The following TRIP4 variants were observed in gnomAD, a reference collection of about 807,000 sequenced individuals.
TRIP4 encodes the protein thyroid hormone receptor interactor 4.
TRIP4 carries 54 observed loss-of-function variants against 81.8 expected under a neutral mutation model. The ratio of observed to expected loss-of-function variants is 0.66; its 90% confidence interval spans 0.53 to 0.83. TRIP4 has a LOEUF of 0.83. TRIP4 is among the 40% of genes least tolerant of loss of function. The pLI is 0.00. For synonymous variants in TRIP4, 270 were observed against 242.8 expected (o/e 1.11, Z -1.04); for missense variants, 662 against 683.6 (o/e 0.97, Z 0.35).
chr15:64,435,525 C>CAAA (rs35102130), intron 11 of TRIP4, among the ~76,000 whole-genome samples: 5,170 of 108,106 alleles, frequency 0.048, 117 homozygotes, highest in South Asian at 0.075. Flanking sequence ...GACTCTGTCT[C>CAAA]AAAAAAAAAA....
intron 1 of TRIP4, among the ~76,000 whole-genome samples, chr15:64,391,970 C>CAAAAAA (rs35193532): frequency 4.3e-5 from 1 of 23,244 alleles, no homozygotes; most frequent in Non-Finnish European, 7.7e-5. Flanking sequence ...GACTCTGTCT[C>CAAAAAA]AAAAAAAAAA....
In TRIP4 at chr15:64,425,451, A is replaced by G. The variant is rs550507734; in HGVS notation, c.1484-89A>G. 2.1e-4 allele frequency: 226 copies of G among 1,101,676 alleles called. 2 individuals carry two copies. The highest frequency in any genetic ancestry group is 1.9e-3 in the Middle Eastern group (9 of 4,732). The allele number at this position is 1,101,676 out of a possible 1,614,324, so 68.2% of individuals were successfully genotyped here. The stretch of plus-strand genomic sequence containing the variant: ...CAAATAGATAATGGAAAAAGTTATT[A>G]ATGTTTGTTCAGAATTGAAAACAGA... On this transcript the variant is annotated intron_variant, in intron 10 of 12. Transcript: ENST00000261884.
At chr15:64,435,706 A>G (rs1019319185) in intron 11 of TRIP4, among the ~76,000 whole-genome samples, 5 of 149,820 alleles carry the variant, frequency 3.3e-5, no homozygotes, top group African/African-American at 1.2e-4. Context: ...CTGAGACAAG[A>G]AAACCCAACC....
intron 12 of TRIP4, among the ~76,000 whole-genome samples, chr15:64,454,770 A>G (rs1027625343): frequency 5.9e-5 from 9 of 152,164 alleles, no homozygotes; most frequent in Admixed American, 5.2e-4. Context: ...AACTTCTTAG[A>G]TTCTTAGGAC....
chr15:64,450,650 T>A (rs749366223), intron 12 of TRIP4: 1 of 455,844 alleles, frequency 2.2e-6, no homozygotes, highest in South Asian at 1.5e-5. Context: ...TTGGCAAATG[T>A]CTGATTTTTT....
chr15:64,439,943 T>C (rs1233766058), intron 11 of TRIP4, among the ~76,000 whole-genome samples: 1 of 152,044 alleles, frequency 6.6e-6, no homozygotes, highest in Non-Finnish European at 1.5e-5. Context: ...TGAATAAGAA[T>C]GAAGGGGAGG....
intron 11 of TRIP4, among the ~76,000 whole-genome samples, chr15:64,434,706 A>C (rs889459567): frequency 1.3e-5 from 2 of 152,210 alleles, no homozygotes; most frequent in Admixed American, 6.5e-5. Context: ...GAGGCAAGAC[A>C]GGAACAATGA....
At chr15:64,420,348 C>T (rs1439542493) in intron 9 of TRIP4, among the ~76,000 whole-genome samples, 2 of 151,718 alleles carry the variant, frequency 1.3e-5, no homozygotes, top group Admixed American at 6.6e-5. Context: ...CTCAAACTCC[C>T]GAACTCAGGT....
intron 8 of TRIP4, among the ~76,000 whole-genome samples, chr15:64,414,539 TG>T (rs1891846977): frequency 9.9e-6 from 1 of 100,796 alleles, no homozygotes; most frequent in Non-Finnish European, 2.0e-5. Flanking sequence ...TTTTTTGAGA[TG>T]GAGTCTCACT....
At position 64,397,574 on chromosome 15, in the gene TRIP4, T is replaced by G. The variant is rs575665276; in HGVS notation, c.406-32T>G. On this transcript the variant is annotated intron_variant, in intron 3 of 12. Coordinates refer to ENST00000261884, the MANE Select transcript of TRIP4 (RefSeq NM_016213.5). ...TGACTTTTTACATTGTCATTAATTA[T>G]TTGATGTTATTTTGATGTCTTTGTA... 3.1e-6 allele frequency: 5 copies of G among 1,596,300 alleles called. No individual in the cohort carries two copies. In the Admixed American group the frequency reaches 6.7e-5, roughly 21 times the overall value.
At chr15:64,433,013 C>G (rs186633979) in intron 11 of TRIP4, among the ~76,000 whole-genome samples, 111 of 152,126 alleles carry the variant, frequency 7.3e-4, no homozygotes, top group African/African-American at 2.5e-3. Flanking sequence ...AAGGATGAAT[C>G]AACTGTAGAT....
chr15:64,390,228 G>A (rs1394365778), intron 1 of TRIP4, among the ~76,000 whole-genome samples: 2 of 150,948 alleles, frequency 1.3e-5, no homozygotes, highest in African/African-American at 4.9e-5. Context: ...TTGGGAGGCC[G>A]AGGCAGATGG....
intron 6 of TRIP4, among the ~76,000 whole-genome samples, chr15:64,407,599 G>T (rs977236006): frequency 2.6e-5 from 4 of 152,036 alleles, no homozygotes; most frequent in African/African-American, 9.7e-5. Flanking sequence ...CCCAGGAGGC[G>T]GAGCTTGCAG....
chr15:64,406,033 C>G (rs1891615186), intron 5 of TRIP4, among the ~76,000 whole-genome samples: 1 of 152,188 alleles, frequency 6.6e-6, no homozygotes, highest in African/African-American at 2.4e-5. Flanking sequence ...CAAATGTCTT[C>G]TTCACTGAGA....
intron 9 of TRIP4, among the ~76,000 whole-genome samples, chr15:64,422,680 T>C (rs1652234350): frequency 2.0e-5 from 3 of 152,246 alleles, no homozygotes; most frequent in Non-Finnish European, 2.9e-5. Flanking sequence ...TCAGAGTGTT[T>C]ACATTTCTCT....
chr15:64,427,456 A>G (rs1892173914), intron 11 of TRIP4, among the ~76,000 whole-genome samples: 1 of 152,000 alleles, frequency 6.6e-6, no homozygotes, highest in African/African-American at 2.4e-5. Context: ...GCTCACTGCA[A>G]CCTCTGCCTC....
intron 2 of TRIP4, 52 bp from the exon 3 acceptor site, chr15:64,395,346 A>T: frequency 6.7e-7 from 1 of 1,497,700 alleles, no homozygotes; most frequent in Non-Finnish European, 9.0e-7. Context: ...TTCACCAGGA[A>T]TCCTCTTATC....
chr15:64,449,096 C>T (rs1381671156), intron 12 of TRIP4, among the ~76,000 whole-genome samples: 4 of 151,596 alleles, frequency 2.6e-5, no homozygotes, highest in Non-Finnish European at 1.5e-5. Flanking sequence ...CCTATAGTGC[C>T]AGCTACTTGG....
intron 11 of TRIP4, among the ~76,000 whole-genome samples, chr15:64,432,501 T>C (rs928139426): frequency 6.6e-6 from 1 of 151,880 alleles, no homozygotes; most frequent in African/African-American, 2.4e-5. Flanking sequence ...TCCCAGCTAC[T>C]TGGGTCACTG....
Sources: allele counts gnomAD v4.1 joint callset (sites outside exome capture counted in the v4.1 genomes callset), GRCh38; gene constraint gnomAD v4.1.1; transcripts MANE v1.5; gene names NCBI Gene and HGNC (gene_info 2026-07-23, HGNC 2026-07-21).